USP34: variants seen among roughly 807,000 people sequenced by gnomAD.
USP34 encodes ubiquitin specific peptidase 34, also known as ubiquitin carboxyl-terminal hydrolase 34.
USP34 carries 70 observed loss-of-function variants against 460.3 expected under a neutral mutation model. That is an observed-to-expected ratio of 0.15 (90% confidence interval 0.13 to 0.19). USP34 has a LOEUF of 0.19. Ranked by LOEUF, USP34 falls within the 10% of genes least tolerant of loss-of-function variation. The pLI, the probability that USP34 is intolerant of heterozygous loss-of-function variation, is 1.00. For synonymous variants in USP34, 1,647 were observed against 1,405.3 expected (o/e 1.17, Z -3.85); for missense variants, 3,985 against 4,236.2 (o/e 0.94, Z 1.65).
Position 61,187,607 on chromosome 2 carries a change from T to C in USP34, c.*495A>G. ...ATTCTGTTAAATAAAGCACCATTTA[T>C]ATACTGCCAGGCCACAGCTAAAGAG... is the stretch of plus-strand genomic sequence containing the variant. On this transcript the variant is annotated 3_prime_UTR_variant, in exon 80 of 80. Transcript: ENST00000398571. The C allele has an allele frequency of 1.2e-6, 1 of 836,022 alleles. No homozygotes were observed. Among genetic ancestry groups the C allele is most frequent in the Non-Finnish European group, 1.4e-6 (1 of 693,056 alleles). 51.8% of individuals were successfully genotyped at this position (836,022 alleles called of 1,614,324 possible).
intron 58 of USP34, among the ~76,000 whole-genome samples, chr2:61,230,569 C>T (rs1274018634): frequency 2.0e-5 from 3 of 151,658 alleles, no homozygotes; most frequent in African/African-American, 7.3e-5. Flanking sequence ...ACCAGTTTAC[C>T]GCTGGTGCAG....
At chr2:61,277,428 G>A (rs1220228567) in intron 41 of USP34, among the ~76,000 whole-genome samples, 1 of 151,952 alleles carries the variant, frequency 6.6e-6, no homozygotes, top group Non-Finnish European at 1.5e-5. Flanking sequence ...GTAGGGATGA[G>A]GTTTCACCAT....
chr2:61,344,391 C>G (rs1227470590), intron 15 of USP34, among the ~76,000 whole-genome samples: 1 of 151,710 alleles, frequency 6.6e-6, no homozygotes, highest in Non-Finnish European at 1.5e-5. Context: ...AGAATCAAAC[C>G]AAAAAAACAT....
At chr2:61,349,405 G>T in intron 12 of USP34, 120 bp from the exon 13 acceptor site, 3 of 973,916 alleles carry the variant, frequency 3.1e-6, no homozygotes, top group East Asian at 2.7e-5. Flanking sequence ...CCTGCAATAA[G>T]GTTAAGTCCC....
intron 67 of USP34, among the ~76,000 whole-genome samples, chr2:61,219,190 T>C (rs1479655949): frequency 2.0e-5 from 3 of 152,240 alleles, no homozygotes; most frequent in Admixed American, 6.5e-5. Flanking sequence ...GCTTTGGCCA[T>C]TGGGAGTTCT....
chr2:61,290,010 T>C lies in USP34; in HGVS notation c.4549-1133A>G, dbSNP rs189548378. On this transcript the variant is annotated intron_variant, in intron 33 of 79. Coordinates refer to ENST00000398571, the MANE Select transcript of USP34 (RefSeq NM_014709.4). ...CACACATCAGAGAAAGACTTCTCCATAATATTTAAGGGAAAAGACCATCTC... is the reference window on the plus strand; with the variant it reads ...CACACATCAGAGAAAGACTTCTCCACAATATTTAAGGGAAAAGACCATCTC... Among the ~76,000 whole-genome samples the C allele has an allele frequency of 4.5e-4, 68 of 152,260 alleles. No homozygotes were observed. The Middle Eastern group carries it at 0.014, about 30-fold the overall frequency.
chr2:61,431,658 C>A (rs930149206), intron 1 of USP34, among the ~76,000 whole-genome samples: 1 of 152,084 alleles, frequency 6.6e-6, no homozygotes, highest in African/African-American at 2.4e-5. Context: ...AGTTCGAGAC[C>A]AGCCTGGCCA....
In USP34 at chr2:61,221,542, A is replaced by T. The variant is rs762725025; in HGVS notation, c.7859T>A (p.Met2620Lys). 1 of 1,614,114 alleles carries T rather than the reference A, an allele frequency of 6.2e-7. No individual in the cohort carries two copies. Among genetic ancestry groups the T allele is most frequent in the Non-Finnish European group, 8.5e-7 (1 of 1,179,950 alleles). ...LMEFAGGPPG[M>K]PPFASYILQR... ...CAGAATATAAGATGCAAAGGGAGGC[A>T]TTCCTGGAGGTCCACCAGCAAACTC... The change falls in exon 66 of 80, where the codon ATG (methionine) becomes AAG (lysine). Residue 2620 changes from methionine to lysine, a missense_variant. By Grantham distance (95) the Met-to-Lys change is moderately conservative. Around this residue, in one of 14 missense-constraint regions of USP34, gnomAD observed 604 missense variants for 684.8 expected, o/e 0.88. Transcript: ENST00000398571.
intron 2 of USP34, among the ~76,000 whole-genome samples, chr2:61,406,802 C>T (rs1486104586): frequency 6.6e-5 from 10 of 150,986 alleles, no homozygotes; most frequent in Admixed American, 4.6e-4. Flanking sequence ...GTCAGGAGTT[C>T]GAAACCAGCC....
chr2:61,453,610 T>C (rs1262039150), intron 1 of USP34, among the ~76,000 whole-genome samples: 3 of 148,936 alleles, frequency 2.0e-5, no homozygotes, highest in Non-Finnish European at 3.0e-5. Context: ...CTCAGGAGGC[T>C]GAGGCAGGAG....
At chr2:61,215,446 C>A (rs940636217) in intron 67 of USP34, among the ~76,000 whole-genome samples, 7 of 152,156 alleles carry the variant, frequency 4.6e-5, no homozygotes, top group African/African-American at 1.7e-4. Context: ...TAAACTTACA[C>A]CCAAGGAAAG....
At chr2:61,396,229 G>T (rs866497536) in intron 3 of USP34, among the ~76,000 whole-genome samples, 1 of 152,120 alleles carries the variant, frequency 6.6e-6, no homozygotes, top group Non-Finnish European at 1.5e-5. Flanking sequence ...CATTGCATAA[G>T]ATTTCAACTG....
chr2:61,270,976 A>C (rs1689195495), intron 41 of USP34, among the ~76,000 whole-genome samples: 1 of 151,980 alleles, frequency 6.6e-6, no homozygotes, highest in South Asian at 2.1e-4. Context: ...TTTCTACAAA[A>C]GATATCCATT....
chr2:61,422,919 G>T (rs1694403966), intron 1 of USP34, among the ~76,000 whole-genome samples: 1 of 152,214 alleles, frequency 6.6e-6, no homozygotes, highest in South Asian at 2.1e-4. Context: ...AGGATCACTC[G>T]AACCTGGAAG....
intron 49 of USP34, among the ~76,000 whole-genome samples, chr2:61,248,004 C>T (rs776182493): frequency 7.2e-5 from 11 of 151,890 alleles, no homozygotes; most frequent in African/African-American, 1.2e-4. Flanking sequence ...CTAGCCAACA[C>T]GGCGAAACCT....
At chr2:61,426,561 CAATACAAAAAGTAT>C (rs1694517172) in intron 1 of USP34, among the ~76,000 whole-genome samples, 1 of 152,148 alleles carries the variant, frequency 6.6e-6, no homozygotes, top group Non-Finnish European at 1.5e-5. Flanking sequence ...AGCTCAGCCA[CAATACAAAAAGTAT>C]TGCTCTAGTA....
chr2:61,205,766 G>A (rs1687102306), intron 72 of USP34, among the ~76,000 whole-genome samples: 1 of 152,210 alleles, frequency 6.6e-6, no homozygotes, highest in South Asian at 2.1e-4. Context: ...TTTAGAGCTG[G>A]AGGAAGCTAG....
chr2:61,329,957 G>A (rs1031247484), intron 20 of USP34, among the ~76,000 whole-genome samples: 17 of 152,154 alleles, frequency 1.1e-4, no homozygotes, highest in African/African-American at 4.1e-4. Flanking sequence ...TAGAAAGAAT[G>A]AACCAGCATA....
chr2:61,245,345 A>ATG (rs1255963773), intron 50 of USP34, 57 bp from the exon 51 acceptor site: 2 of 1,006,988 alleles, frequency 2.0e-6, no homozygotes, highest in East Asian at 5.4e-5. Flanking sequence ...TCTTCATATT[A>ATG]TGTCTACTAT....
Sources: allele counts gnomAD v4.1 joint callset (sites outside exome capture counted in the v4.1 genomes callset), GRCh38; gene constraint gnomAD v4.1.1; regional missense constraint gnomAD v4.1.1; transcripts MANE v1.5; gene names NCBI Gene and HGNC (gene_info 2026-07-23, HGNC 2026-07-21).